The following TENM3 variants were observed in gnomAD, a reference collection of about 807,000 sequenced individuals.
TENM3 encodes teneurin-3.
A neutral mutation model predicts 255.1 loss-of-function variants in TENM3; 63 were observed. The observed-to-expected ratio is 0.25, with a 90% CI of 0.20 to 0.30. The LOEUF (loss-of-function observed/expected upper bound fraction) is 0.30. Ranked by LOEUF, TENM3 falls within the 10% of genes least tolerant of loss-of-function variation. The pLI is 1.00. For synonymous variants in TENM3, 1,306 were observed against 1,322.3 expected, an observed-to-expected ratio of 0.99 and a Z score of 0.27; for missense variants, 2,929 against 3,461.1, an observed-to-expected ratio of 0.85 and a Z score of 3.86.
chr4:182,502,706 A>G (rs62337213), intron 3 of TENM3, among the ~76,000 whole-genome samples: 22 of 151,876 alleles, frequency 1.4e-4, no homozygotes, highest in Non-Finnish European at 2.4e-4. Flanking sequence ...TGGTTCTTCA[A>G]TTTAAGTTTT....
At chr4:182,185,039 C>A (rs560832167) in intron 1 of TENM3, among the ~76,000 whole-genome samples, 1 of 151,666 alleles carries the variant, frequency 6.6e-6, no homozygotes, top group Non-Finnish European at 1.5e-5. Flanking sequence ...GCCGAGACTG[C>A]GCTACTGCAC....
intron 1 of TENM3, among the ~76,000 whole-genome samples, chr4:182,228,283 A>G (rs543550242): frequency 1.5e-4 from 23 of 151,838 alleles, no homozygotes; most frequent in Admixed American, 2.6e-4. Flanking sequence ...TAGCTTCTCT[A>G]TAGTAACCAT....
At chr4:181,462,866 T>A in the TENM3 span, among the ~76,000 whole-genome samples, 4 of 152,192 alleles carry the variant, frequency 2.6e-5, no homozygotes, top group African/African-American at 9.7e-5. Flanking sequence ...ACATAATGTG[T>A]TCCTTAAGGG....
rs747292851 is a variant in TENM3, at chr4:182,679,674, C to T, written c.1335C>T (p.Phe445=). 8.1e-6 allele frequency: 13 copies of T among 1,612,002 alleles called. No individual in the cohort carries two copies. The highest frequency in any genetic ancestry group is 3.3e-5 in the Admixed American group (2 of 59,992). The part of the protein sequence containing the change: ...GLPPSHTQYD[F]VELLDGSRLI... The stretch of plus-strand genomic sequence containing the variant: ...CCTCGTCCTCCCCCCAGTATGACTT[C>T]GTGGAGCTCCTGGATGGCAGCAGGC... The change falls in exon 8 of 28, where the codon TTC becomes TTT. Residue 445 remains phenylalanine, a synonymous_variant. Coordinates refer to ENST00000511685, the MANE Select transcript of TENM3 (RefSeq NM_001080477.4).
At chr4:182,419,737 G>A (rs990512524) in intron 3 of TENM3, among the ~76,000 whole-genome samples, 1 of 152,004 alleles carries the variant, frequency 6.6e-6, no homozygotes, top group Non-Finnish European at 1.5e-5. Flanking sequence ...GGATGAAGCT[G>A]GAAACCATCA....
the TENM3 span, among the ~76,000 whole-genome samples, chr4:181,593,843 C>T: frequency 1.3e-5 from 2 of 152,090 alleles, no homozygotes; most frequent in African/African-American, 2.4e-5. Context: ...ATATGATTAA[C>T]AGTAACTAAT....
the TENM3 span, among the ~76,000 whole-genome samples, chr4:181,878,232 A>T: frequency 6.6e-6 from 1 of 152,196 alleles, no homozygotes; most frequent in African/African-American, 2.4e-5. Context: ...GTGTATCATT[A>T]TATTCGGGTG....
At chr4:182,156,332 G>GT (rs1172069650) in intron 1 of TENM3, among the ~76,000 whole-genome samples, 4 of 152,018 alleles carry the variant, frequency 2.6e-5, no homozygotes, top group Admixed American at 6.6e-5. Context: ...TCTGTGAATC[G>GT]TTTTTTTCTT....
chr4:181,796,711 C>A, the TENM3 span, among the ~76,000 whole-genome samples: 1 of 152,162 alleles, frequency 6.6e-6, no homozygotes, highest in African/African-American at 2.4e-5. Flanking sequence ...AGACACTCAG[C>A]AGGAGCGAGT....
At chr4:182,766,697 C>T (rs909687409) in intron 22 of TENM3, among the ~76,000 whole-genome samples, 1 of 152,058 alleles carries the variant, frequency 6.6e-6, no homozygotes, top group East Asian at 1.9e-4. Context: ...AGGCTCTGCC[C>T]TTGTCTACAT....
chr4:181,471,592 C>T, the TENM3 span, among the ~76,000 whole-genome samples: 2 of 152,126 alleles, frequency 1.3e-5, no homozygotes, highest in Admixed American at 1.3e-4. Context: ...GTCTTGGATG[C>T]TCCTTTTGGT....
At chr4:182,532,045 G>A (rs1161058354) in intron 3 of TENM3, among the ~76,000 whole-genome samples, 1 of 152,182 alleles carries the variant, frequency 6.6e-6, no homozygotes, top group African/African-American at 2.4e-5. Context: ...GAAAATACAA[G>A]CATAGTTGGC....
chr4:181,461,263 T>C, the TENM3 span, among the ~76,000 whole-genome samples: 6 of 152,116 alleles, frequency 3.9e-5, no homozygotes, highest in Admixed American at 1.3e-4. Context: ...ATCTTTCTTC[T>C]GCTACACCTG....
chr4:181,554,390 G>T, the TENM3 span, among the ~76,000 whole-genome samples: 1 of 152,140 alleles, frequency 6.6e-6, no homozygotes, highest in Non-Finnish European at 1.5e-5. Flanking sequence ...ACTCAGTTAG[G>T]CTTCGTCAAT....
At chr4:181,553,566 C>T in the TENM3 span, among the ~76,000 whole-genome samples, 4 of 151,904 alleles carry the variant, frequency 2.6e-5, no homozygotes, top group South Asian at 4.2e-4. Context: ...CTCAGCCTCC[C>T]GAGTAGCTGG....
chr4:182,395,169 A>G lies in TENM3; in HGVS notation c.511+48240A>G, dbSNP rs1168102042. ...AATATTATCAGACAATTCTTAACAC[A>G]TGGATTTGTCCCTGATATGACACTT... On this transcript the variant is annotated intron_variant, in intron 3 of 27. Coordinates refer to ENST00000511685, the MANE Select transcript of TENM3 (RefSeq NM_001080477.4). Among the ~76,000 whole-genome samples, 5 of 152,192 alleles carry G rather than the reference A, an allele frequency of 3.3e-5. No individual in the cohort carries two copies. In the East Asian group the frequency reaches 9.6e-4, roughly 29 times the overall value.
upstream of TENM3, among the ~76,000 whole-genome samples, chr4:182,242,429 G>T (rs1162866000): frequency 6.6e-6 from 1 of 151,748 alleles, no homozygotes; most frequent in East Asian, 1.9e-4. Context: ...TGGTGTATAT[G>T]TGCCACATTT....
At chr4:181,546,731 AAGAAG>A in the TENM3 span, among the ~76,000 whole-genome samples, 1 of 59,502 alleles carries the variant, frequency 1.7e-5, no homozygotes, top group Non-Finnish European at 3.1e-5. Context: ...AAAAAAAAAG[AAGAAG>A]AAGAAGAAAT....
chr4:181,541,399 A>G, the TENM3 span, among the ~76,000 whole-genome samples: 4 of 152,056 alleles, frequency 2.6e-5, no homozygotes, highest in Admixed American at 2.6e-4. Flanking sequence ...AAAAAATTAA[A>G]AAGTTCAAAA....
Sources: gnomAD v4.1 joint callset for allele counts (sites outside exome capture counted in the v4.1 genomes callset) on GRCh38, gnomAD v4.1.1 for gene constraint, MANE v1.5 for transcripts, NCBI Gene and HGNC (gene_info 2026-07-23, HGNC 2026-07-21) for gene names.